The following TACR1 variants were observed in gnomAD, a reference collection of about 807,000 sequenced individuals.
The protein encoded by TACR1 is tachykinin receptor 1, also known as substance-P receptor.
Under a neutral mutation model 35.8 loss-of-function variants are expected in TACR1, and 25 were observed. That is an observed-to-expected ratio of 0.70 (90% CI 0.51 to 0.98). The LOEUF is 0.98. Among genes scored for constraint, TACR1 ranks in the 50% least tolerant of loss-of-function variants. TACR1 has a pLI of 0.00. For synonymous variants in TACR1, 195 were observed against 206.7 expected, an observed-to-expected ratio of 0.94 and a Z score of 0.48; for missense variants, 478 against 522.9, an observed-to-expected ratio of 0.91 and a Z score of 0.84.
At chr2:75,185,210 A>T (rs1675662438) in intron 1 of TACR1, among the ~76,000 whole-genome samples, 1 of 151,994 alleles carries the variant, frequency 6.6e-6, no homozygotes, top group South Asian at 2.1e-4. Context: ...TTTAAAAAAG[A>T]GGTAATCTAA....
At chr2:75,176,439 C>A (rs1160601872) in intron 1 of TACR1, among the ~76,000 whole-genome samples, 3 of 151,892 alleles carry the variant, frequency 2.0e-5, no homozygotes, top group Non-Finnish European at 4.4e-5. Flanking sequence ...GTTTTACTCC[C>A]TTCAATCTCC....
chr2:75,157,309 C>T (rs1037275775), intron 1 of TACR1, among the ~76,000 whole-genome samples: 20 of 152,156 alleles, frequency 1.3e-4, no homozygotes, highest in Admixed American at 5.9e-4. Context: ...CTGTAGTCCT[C>T]CTCACCCACC....
chr2:75,140,135 A>G (rs781663605), intron 1 of TACR1, among the ~76,000 whole-genome samples: 3 of 152,170 alleles, frequency 2.0e-5, no homozygotes. Flanking sequence ...ACATTCATCC[A>G]TTAGCCTTTG....
At chr2:75,153,157 T>C (rs1674711993) in intron 1 of TACR1, among the ~76,000 whole-genome samples, 1 of 152,188 alleles carries the variant, frequency 6.6e-6, no homozygotes, top group African/African-American at 2.4e-5. Context: ...CACCTTGGCC[T>C]CCCAAATTGC....
intron 3 of TACR1, among the ~76,000 whole-genome samples, chr2:75,051,933 G>T (rs1178160202): frequency 1.3e-5 from 2 of 151,940 alleles, no homozygotes; most frequent in Non-Finnish European, 2.9e-5. Flanking sequence ...GGGCACAGCA[G>T]AAGGGGTGGG....
At chr2:75,124,835 G>A (rs1674042323) in intron 1 of TACR1, among the ~76,000 whole-genome samples, 1 of 152,220 alleles carries the variant, frequency 6.6e-6, no homozygotes, top group South Asian at 2.1e-4. Context: ...AGAACCATAG[G>A]AGAAGATGGT....
intron 1 of TACR1, among the ~76,000 whole-genome samples, chr2:75,177,166 C>G (rs111810903): frequency 2.0e-5 from 3 of 152,046 alleles, no homozygotes; most frequent in African/African-American, 7.2e-5. Flanking sequence ...GACCCCACCC[C>G]CTCTGAAGCA....
chr2:75,191,832 C>T (rs367633792), intron 1 of TACR1, among the ~76,000 whole-genome samples: 19 of 151,998 alleles, frequency 1.3e-4, no homozygotes, highest in East Asian at 1.2e-3. Flanking sequence ...TTGCTCATGA[C>T]GCACACATTT....
intron 1 of TACR1, among the ~76,000 whole-genome samples, chr2:75,193,833 T>G (rs941670277): frequency 5.3e-5 from 8 of 152,298 alleles, no homozygotes; most frequent in African/African-American, 1.7e-4. Flanking sequence ...ACCTTATATT[T>G]TAGTTACCTC....
At chr2:75,139,175 C>A (rs2103944525) in intron 1 of TACR1, among the ~76,000 whole-genome samples, 1 of 152,268 alleles carries the variant, frequency 6.6e-6, no homozygotes, top group Middle Eastern at 3.4e-3. Context: ...ACCAATGGGG[C>A]TGTCCAGGTA....
At chr2:75,167,145 G>A (rs1315882377) in intron 1 of TACR1, among the ~76,000 whole-genome samples, 2 of 152,198 alleles carry the variant, frequency 1.3e-5, no homozygotes, top group African/African-American at 2.4e-5. Flanking sequence ...TACATTCAGT[G>A]CTTGTCAGAG....
rs1177759464 is a variant in TACR1 at position 75,104,219 on chromosome 2, A to G, written c.584+16355T>C. ...AGACTGAAAGTGAAGGGGTAGAAAAAGATACGCCATCCAAACAAAAAATGA... is the reference window on the plus strand; with the variant it reads ...AGACTGAAAGTGAAGGGGTAGAAAAGGATACGCCATCCAAACAAAAAATGA... On this transcript the variant is annotated intron_variant, in intron 2 of 4. Transcript: ENST00000305249. 3.9e-5 allele frequency among the ~76,000 whole-genome samples: 6 copies of G among 152,180 alleles called. No individual in the cohort carries two copies. In the East Asian group the frequency reaches 7.7e-4, roughly 20 times the overall value.
At chr2:75,096,931 G>T (rs1026707125) in intron 2 of TACR1, among the ~76,000 whole-genome samples, 4 of 152,152 alleles carry the variant, frequency 2.6e-5, no homozygotes, top group Non-Finnish European at 5.9e-5. Context: ...CCTCTTTCAG[G>T]ACTTTGCTCC....
At chr2:75,144,377 A>G (rs1308038819) in intron 1 of TACR1, among the ~76,000 whole-genome samples, 2 of 152,152 alleles carry the variant, frequency 1.3e-5, no homozygotes, top group South Asian at 2.1e-4. Flanking sequence ...CTCACAGCCA[A>G]CTATGTTGCC....
intron 1 of TACR1, among the ~76,000 whole-genome samples, chr2:75,124,058 A>G (rs548542139): frequency 1.4e-4 from 21 of 152,164 alleles, no homozygotes; most frequent in Non-Finnish European, 2.4e-4. Context: ...AGCATTAATC[A>G]TTAGGCTGCC....
At chr2:75,193,565 G>T (rs1049457679) in intron 1 of TACR1, among the ~76,000 whole-genome samples, 4 of 152,124 alleles carry the variant, frequency 2.6e-5, no homozygotes, top group Non-Finnish European at 4.4e-5. Context: ...CACTTCGGTT[G>T]AATCAGTCTG....
chr2:75,171,113 C>T (rs769371131), intron 1 of TACR1, among the ~76,000 whole-genome samples: 1 of 152,204 alleles, frequency 6.6e-6, no homozygotes, highest in Non-Finnish European at 1.5e-5. Context: ...CCTCCCATCA[C>T]AAACCAGGAA....
At chr2:75,178,524 C>T (rs1675483013) in intron 1 of TACR1, among the ~76,000 whole-genome samples, 1 of 149,078 alleles carries the variant, frequency 6.7e-6, no homozygotes. Context: ...TGCTACAATA[C>T]CTTTCCCCAT....
chr2:75,116,416 G>T (rs1263869244), intron 2 of TACR1, among the ~76,000 whole-genome samples: 1 of 151,984 alleles, frequency 6.6e-6, no homozygotes, highest in Non-Finnish European at 1.5e-5. Context: ...AATTTTTTTT[G>T]TTTGTTTTAT....
Sources: allele counts gnomAD v4.1 joint callset (sites outside exome capture counted in the v4.1 genomes callset), GRCh38; gene constraint gnomAD v4.1.1; transcripts MANE v1.5; gene names NCBI Gene and HGNC (gene_info 2026-07-23, HGNC 2026-07-21).